The following SPDL1 variants were observed in gnomAD, a reference collection of about 807,000 sequenced individuals.
SPDL1 encodes spindle apparatus coiled-coil protein 1.
SPDL1 carries 85 observed loss-of-function variants against 79.5 expected under a neutral mutation model. That is an observed-to-expected ratio of 1.07 (90% confidence interval 0.90 to 1.28). SPDL1 has a LOEUF of 1.28. SPDL1 is among the 50% of genes most tolerant of loss of function. SPDL1 has a pLI of 0.00. For synonymous variants in SPDL1, 269 were observed against 240.3 expected (o/e 1.12, Z -1.10); for missense variants, 703 against 697.8 (o/e 1.01, Z -0.08).
chr5:169,591,266 TATGCAGCCATC>T, intron 3 of SPDL1, 42 bp downstream of exon 3: 1 of 1,580,602 alleles, frequency 6.3e-7, no homozygotes, highest in Non-Finnish European at 8.6e-7. Flanking sequence ...ATTCCATATT[TATGCAGCCATC>T]TGTAAACTTT....
chr5:169,602,399 A>G (rs3822664), intron 11 of SPDL1, among the ~76,000 whole-genome samples: 89,948 of 151,992 alleles, frequency 0.59, 26,983 homozygotes, highest in East Asian at 0.73. Flanking sequence ...TCTGCATGCA[A>G]TGGGATTGTT....
chr5:169,604,078 G>A lies in SPDL1; in HGVS notation c.1689G>A (p.Lys563=), dbSNP rs1240559983. The change falls in exon 12 of 12, where the codon AAG becomes AAA. Residue 563 remains lysine, a synonymous_variant. Transcript: ENST00000265295. The part of the protein sequence containing the change: ...PNSPRLAAES[K]LQTEVKEGKE... ...CCTGTAGGTTAGCTGCTGAATCAAA[G>A]CTTCAAACAGAAGTTAAAGAAGGAA... 1 of 1,611,338 alleles carries A rather than the reference G, an allele frequency of 6.2e-7. No individual in the cohort carries two copies. The highest frequency in any genetic ancestry group is 1.7e-5 in the Admixed American group (1 of 59,476).
chr5:169,592,805 C>CTTT lies in SPDL1; in HGVS notation c.337-529_337-527dup, dbSNP rs11301691. On this transcript the variant is annotated intron_variant, in intron 3 of 11. Transcript: ENST00000265295. ...GAGGTAAGGCTAATTATAGAGATGG[C>CTTT]TTTTTTTTTTTTTTTTTTTTTTGGT... is the stretch of plus-strand genomic sequence containing the variant. Among the ~76,000 whole-genome samples the CTTT allele has an allele frequency of 2.2e-4, 19 of 84,984 alleles. 1 individual carries two copies. The highest frequency in any genetic ancestry group is 4.0e-4 in the East Asian group (1 of 2,488). The allele number at this position is 84,984 out of a possible 152,430, so 55.8% of individuals were successfully genotyped here.
At chr5:169,592,257 C>T (rs1184714724) in intron 3 of SPDL1, among the ~76,000 whole-genome samples, 2 of 135,788 alleles carry the variant, frequency 1.5e-5, no homozygotes, top group Non-Finnish European at 3.1e-5. Flanking sequence ...CACACTGTCG[C>T]CCAGGCTGGA....
chr5:169,604,021 C>T (rs747515484), intron 11 of SPDL1, 39 bp from the exon 12 acceptor site: 7 of 1,577,854 alleles, frequency 4.4e-6, no homozygotes, highest in South Asian at 2.4e-5. Context: ...TCCTTCATAA[C>T]CACATTTGAA....
intron 5 of SPDL1, 30 bp from the exon 6 acceptor site, chr5:169,594,364 G>A (rs1755471448): frequency 1.2e-6 from 2 of 1,612,664 alleles, no homozygotes; most frequent in African/African-American, 2.7e-5. Context: ...TGTAATCTCT[G>A]TTGCCTAAAT....
At chr5:169,584,494 T>TTAGG (rs1204854633) in intron 1 of SPDL1, among the ~76,000 whole-genome samples, 1 of 152,114 alleles carries the variant, frequency 6.6e-6, no homozygotes, top group Admixed American at 6.6e-5. Context: ...CAGTAACCGA[T>TTAGG]TAGGTGGGTG....
intron 3 of SPDL1, among the ~76,000 whole-genome samples, chr5:169,592,139 A>G (rs1755318524): frequency 1.3e-5 from 2 of 148,274 alleles, no homozygotes. Context: ...CACCTATACT[A>G]TTACTTAATT....
At chr5:169,587,529 A>AT (rs1378690793) in intron 1 of SPDL1, among the ~76,000 whole-genome samples, 1 of 152,218 alleles carries the variant, frequency 6.6e-6, no homozygotes, top group Non-Finnish European at 1.5e-5. Flanking sequence ...TATGGTTTCT[A>AT]TTTTTGCATA....
At position 169,596,551 on chromosome 5, in the gene SPDL1, A is replaced by G. The variant is rs1243717972; in HGVS notation, c.892-10A>G. 5 of 1,603,108 alleles carry G rather than the reference A, an allele frequency of 3.1e-6. No homozygotes were observed. The South Asian group carries it at 3.4e-5, about 11-fold the overall frequency. On this transcript the variant is annotated splice_polypyrimidine_tract_variant and intron_variant, in intron 7 of 11. Coordinates refer to ENST00000265295, the MANE Select transcript of SPDL1 (RefSeq NM_017785.5). ...TAATTTTATTAGAGGGGGTAATTTTATTTTTCTAGTTACAAATTGCCACGT... is the reference window on the plus strand; with the variant it reads ...TAATTTTATTAGAGGGGGTAATTTTGTTTTTCTAGTTACAAATTGCCACGT...
intron 9 of SPDL1, 71 bp downstream of exon 9, chr5:169,598,650 A>C (rs997194082): frequency 7.6e-7 from 1 of 1,310,582 alleles, no homozygotes; most frequent in Middle Eastern, 1.8e-4. Context: ...CAGTGACTAC[A>C]AAGTTTTTTT....
chr5:169,591,028 G>C lies in SPDL1; in HGVS notation c.160-20G>C, dbSNP rs759476608. On this transcript the variant is annotated intron_variant, in intron 2 of 11. Coordinates refer to ENST00000265295, the MANE Select transcript of SPDL1 (RefSeq NM_017785.5). ...TAGGCTATTTTTATGTAATTGAATT[G>C]TAATTGAATCTGTTTTCAGAGTTAT... 1 of 1,589,920 alleles carries C rather than the reference G, an allele frequency of 6.3e-7. No individual in the cohort carries two copies.
Position 169,601,454 on chromosome 5 carries a change from A to G in SPDL1, c.1499A>G (p.Gln500Arg), listed in dbSNP as rs1184435458. The stretch of plus-strand genomic sequence containing the variant: ...AACAGTTTAGAAGATAACAACTTGC[A>G]ATTAGAAAAATCAGTTTCTATATAC... ...CPNSLEDNNLQLEKSVSIYTP... is the reference protein window; with the variant it reads ...CPNSLEDNNLRLEKSVSIYTP... The change falls in exon 11 of 12, where the codon CAA becomes CGA. Residue 500 changes from glutamine (Q) to arginine (R), a missense_variant. Physicochemically the swap from Gln to Arg is conservative, Grantham distance 43. Transcript: ENST00000265295. 1 of 1,614,196 alleles carries G rather than the reference A, an allele frequency of 6.2e-7. No homozygotes were observed. Among genetic ancestry groups the G allele is most frequent in the East Asian group, 2.2e-5 (1 of 44,876 alleles).
At chr5:169,602,475 C>A (rs921997857) in intron 11 of SPDL1, among the ~76,000 whole-genome samples, 2 of 152,192 alleles carry the variant, frequency 1.3e-5, no homozygotes, top group African/African-American at 4.8e-5. Context: ...TAGATTATCT[C>A]CTATGAAATG....
intron 10 of SPDL1, among the ~76,000 whole-genome samples, chr5:169,599,440 T>G (rs551183532): frequency 1.2e-4 from 19 of 152,236 alleles, no homozygotes; most frequent in Non-Finnish European, 2.6e-4. Flanking sequence ...ATTTTAAGAT[T>G]ACAGTATTTT....
At chr5:169,593,021 T>C (rs1581298561) in intron 3 of SPDL1, among the ~76,000 whole-genome samples, 1 of 152,160 alleles carries the variant, frequency 6.6e-6, no homozygotes, top group African/African-American at 2.4e-5. Flanking sequence ...ATCATCTCTT[T>C]CCTGGACTAC....
In SPDL1 at chr5:169,585,538, A is replaced by C. The variant is rs868154341; in HGVS notation, c.-24+1649A>C. On this transcript the variant is annotated intron_variant, in intron 1 of 11. Transcript: ENST00000265295. ...GAGATGACAGTATTTACTTAACTCA[A>C]GCTCATCAAGATAATTAGATGAGAT... 3.5e-4 allele frequency among the ~76,000 whole-genome samples: 53 copies of C among 152,340 alleles called. 1 individual carries two copies. Among genetic ancestry groups the C allele is most frequent in the African/African-American group, 1.2e-3 (50 of 41,580 alleles).
rs193218860 is a variant in SPDL1 at position 169,594,300 on chromosome 5, A to G, written c.681+6A>G. On this transcript the variant is annotated splice_donor_region_variant and intron_variant, in intron 5 of 11. Coordinates refer to ENST00000265295, the MANE Select transcript of SPDL1 (RefSeq NM_017785.5). ...CTTACTATAATGCCCTAGAGGTACT[A>G]TGATTACAGTAACATCATGTTTTCC... The G allele has an allele frequency of 4.1e-4, 661 of 1,613,450 alleles. 2 individuals are homozygous for G. The African/African-American group carries it at 7.4e-3, about 18-fold the overall frequency.
intron 2 of SPDL1, 44 bp downstream of exon 2, chr5:169,588,619 T>A (rs765785436): frequency 1.3e-5 from 20 of 1,534,258 alleles, no homozygotes; most frequent in Non-Finnish European, 1.8e-5. Context: ...TGCTTAGCTA[T>A]TGAAGATTTG....
Sources: allele counts gnomAD v4.1 joint callset (sites outside exome capture counted in the v4.1 genomes callset), GRCh38; gene constraint gnomAD v4.1.1; transcripts MANE v1.5; gene names NCBI Gene and HGNC (gene_info 2026-07-23, HGNC 2026-07-21).